Variants in BEND4 observed in about 807,000 individuals in gnomAD.
BEND4 encodes BEN domain containing 4.
Under a neutral mutation model 54.7 loss-of-function variants are expected in BEND4, and 27 were observed. The observed-to-expected ratio is 0.49, with a 90% CI of 0.36 to 0.68. The LOEUF (loss-of-function observed/expected upper bound fraction) is 0.68. Ranked by LOEUF, BEND4 falls within the 30% of genes least tolerant of loss-of-function variation. The pLI is 0.00. For missense variants in BEND4, 702 were observed against 697.2 expected (o/e 1.01, Z -0.08); for synonymous variants, 327 against 299.5 (o/e 1.09, Z -0.95).
At chr4:42,125,735 A>T in intron 3 of BEND4, 61 bp from the exon 4 acceptor site, 1 of 1,194,354 alleles carries the variant, frequency 8.4e-7, no homozygotes, top group Non-Finnish European at 1.2e-6. Context: ...AAATAAATAA[A>T]TTTTTTAAAG....
At chr4:42,123,697 A>AAAAAAAAAC (rs781611444) in intron 4 of BEND4, among the ~76,000 whole-genome samples, 11 of 145,230 alleles carry the variant, frequency 7.6e-5, no homozygotes, top group African/African-American at 1.1e-4. Context: ...TAATTCAGAA[A>AAAAAAAAAC]AAAAAAAAAA....
chr4:42,145,357 G>C lies in BEND4; in HGVS notation c.488-1363C>G, dbSNP rs542346643. ...TCATGAAATAACTAAGATAGTCAGAGGAGAGGGGTCCAAGTGCTCTTTTCC... is the reference window on the plus strand; with the variant it reads ...TCATGAAATAACTAAGATAGTCAGACGAGAGGGGTCCAAGTGCTCTTTTCC... On this transcript the variant is annotated intron_variant, in intron 2 of 5. Transcript: ENST00000502486. 3.9e-5 allele frequency among the ~76,000 whole-genome samples: 6 copies of C among 152,212 alleles called. No homozygotes were observed. In the South Asian group the frequency reaches 1.2e-3, roughly 32 times the overall value.
Position 42,152,315 on chromosome 4 carries a change from C to T in BEND4, c.-172G>A. ...CCGCCTGTCGCTGAGGCTGGCATCG[C>T]CGAGCCCCCGCGCGGGGGGCTGCCG... is the stretch of plus-strand genomic sequence containing the variant. On this transcript the variant is annotated 5_prime_UTR_variant, in exon 2 of 6. Transcript: ENST00000502486. The T allele has an allele frequency of 1.9e-6, 1 of 518,234 alleles. No individual in the cohort carries two copies. Among genetic ancestry groups the T allele is most frequent in the Non-Finnish European group, 2.9e-6 (1 of 348,066 alleles). The allele number at this position is 518,234 out of a possible 1,614,324, so 32.1% of individuals were successfully genotyped here. A position where few individuals can be genotyped will look rare whatever the true frequency, so the allele number is the denominator to read the frequency against.
Position 42,113,637 on chromosome 4 carries a change from T to C in BEND4, c.*3881A>G, listed in dbSNP as rs371641332. 6.6e-6 allele frequency: 1 copy of C among 152,128 alleles called. No homozygotes were observed. The highest frequency in any genetic ancestry group is 2.4e-5 in the African/African-American group (1 of 41,402). The allele number at this position is 152,128 out of a possible 1,614,324, so 9.4% of individuals were successfully genotyped here. A position where few individuals can be genotyped will look rare whatever the true frequency, so the allele number is the denominator to read the frequency against. ...GGACTTAAAAAAAATCCTATCAACA[T>C]CAGTTACCACTAGTTGATGGGACAT... is the stretch of plus-strand genomic sequence containing the variant. On this transcript the variant is annotated 3_prime_UTR_variant, in exon 6 of 6. Coordinates refer to ENST00000502486, the MANE Select transcript of BEND4 (RefSeq NM_207406.4).
intron 2 of BEND4, among the ~76,000 whole-genome samples, chr4:42,145,014 C>T (rs905843174): frequency 6.6e-5 from 10 of 152,100 alleles, no homozygotes; most frequent in Non-Finnish European, 1.2e-4. Context: ...ATTTCCTCTC[C>T]CCTTTCCCAG....
At chr4:42,131,548 G>A (rs1368187831) in intron 3 of BEND4, among the ~76,000 whole-genome samples, 1 of 152,096 alleles carries the variant, frequency 6.6e-6, no homozygotes, top group Non-Finnish European at 1.5e-5. Context: ...CAGTGTGGAG[G>A]GGACAGTCCT....
chr4:42,139,791 GA>G (rs917622036), intron 3 of BEND4, among the ~76,000 whole-genome samples: 197 of 152,258 alleles, frequency 1.3e-3, no homozygotes, highest in African/African-American at 4.5e-3. Context: ...AACACAGGTA[GA>G]TTCTACTAGA....
At position 42,126,738 on chromosome 4, in the gene BEND4, G is replaced by A. The variant is rs183632355; in HGVS notation, c.1055-1064C>T. Among the ~76,000 whole-genome samples the A allele has an allele frequency of 2.0e-4, 31 of 152,238 alleles. No individual in the cohort carries two copies. In the East Asian group the frequency reaches 4.8e-3, roughly 24 times the overall value. ...AAGGTCTTGGTAGCTTAGGCCGGGC[G>A]TGGTGGCTTACACCTGTAATCCCAG... On this transcript the variant is annotated intron_variant, in intron 3 of 5. Transcript: ENST00000502486.
chr4:42,130,526 A>T (rs902514628), intron 3 of BEND4, among the ~76,000 whole-genome samples: 4 of 151,768 alleles, frequency 2.6e-5, no homozygotes, highest in African/African-American at 9.7e-5. Flanking sequence ...CCATCTCATG[A>T]TAATCAGAAT....
chr4:42,119,935 G>A, intron 5 of BEND4, 119 bp downstream of exon 5: 1 of 1,284,810 alleles, frequency 7.8e-7, no homozygotes, highest in Non-Finnish European at 1.1e-6. Context: ...ATGAAGCCTA[G>A]ACGTTCTCAG....
At position 42,115,677 on chromosome 4, in the gene BEND4, A is replaced by C. The variant is rs1188153814; in HGVS notation, c.*1841T>G. ...AAAGAATCTTATAAGACAGACACTG[A>C]CTTCTCGGACCTCTAAAAAATGCTT... On this transcript the variant is annotated 3_prime_UTR_variant, in exon 6 of 6. Coordinates refer to ENST00000502486, the MANE Select transcript of BEND4 (RefSeq NM_207406.4). 6.6e-6 allele frequency: 1 copy of C among 152,184 alleles called. No individual in the cohort carries two copies. The highest frequency in any genetic ancestry group is 1.5e-5 in the Non-Finnish European group (1 of 68,020). The allele number at this position is 152,184 out of a possible 1,614,324, so 9.4% of individuals were successfully genotyped here.
rs1409365711 is a variant in BEND4, at chr4:42,117,230, G to C, written c.*288C>G. ...TAGCAGAGTTTGAAGATTTCAGAAA[G>C]GTAACTAGGAGCTCACCTATTTTTT... is the stretch of plus-strand genomic sequence containing the variant. On this transcript the variant is annotated 3_prime_UTR_variant, in exon 6 of 6. Coordinates refer to ENST00000502486, the MANE Select transcript of BEND4 (RefSeq NM_207406.4). 3.8e-6 allele frequency: 1 copy of C among 265,502 alleles called. No individual in the cohort carries two copies. The highest frequency in any genetic ancestry group is 8.0e-5 in the South Asian group (1 of 12,508). 16.4% of individuals were successfully genotyped at this position (265,502 alleles called of 1,614,324 possible). A position where few individuals can be genotyped will look rare whatever the true frequency, so the allele number is the denominator to read the frequency against.
At chr4:42,147,523 T>G (rs1721119464) in intron 2 of BEND4, among the ~76,000 whole-genome samples, 1 of 144,622 alleles carries the variant, frequency 6.9e-6, no homozygotes, top group African/African-American at 2.6e-5. Flanking sequence ...AATGCTCCAC[T>G]CAAGTGATGG....
chr4:42,122,337 C>G (rs1235748186), intron 4 of BEND4, among the ~76,000 whole-genome samples: 1 of 152,026 alleles, frequency 6.6e-6, no homozygotes, highest in East Asian at 1.9e-4. Flanking sequence ...GGAGACCAGC[C>G]GTCTCCCACC....
intron 2 of BEND4, among the ~76,000 whole-genome samples, chr4:42,146,068 C>A (rs1054162072): frequency 6.6e-6 from 1 of 152,184 alleles, no homozygotes; most frequent in African/African-American, 2.4e-5. Flanking sequence ...GTATTACCCT[C>A]AGACCTTGGC....
At chr4:42,140,675 C>A (rs920529390) in intron 3 of BEND4, among the ~76,000 whole-genome samples, 1 of 152,170 alleles carries the variant, frequency 6.6e-6, no homozygotes, top group South Asian at 2.1e-4. Context: ...AAGTGAGAGG[C>A]GGACTGAACC....
chr4:42,137,951 TG>T (rs1224587728), intron 3 of BEND4, among the ~76,000 whole-genome samples: 1 of 152,180 alleles, frequency 6.6e-6, no homozygotes, highest in Non-Finnish European at 1.5e-5. Context: ...TAACAAGTGT[TG>T]GTGAGTGTAT....
chr4:42,117,948 T>G (rs1479131131), intron 5 of BEND4, among the ~76,000 whole-genome samples: 1 of 151,442 alleles, frequency 6.6e-6, no homozygotes, highest in Non-Finnish European at 1.5e-5. Context: ...AAAAAAAAAT[T>G]ACACAGATAT....
intron 2 of BEND4, among the ~76,000 whole-genome samples, chr4:42,147,239 A>C (rs1210048882): frequency 6.6e-6 from 1 of 152,180 alleles, no homozygotes; most frequent in Non-Finnish European, 1.5e-5. Context: ...TACATGGAAG[A>C]TTGTGATGAA....
Sources: gnomAD v4.1 joint callset for allele counts (sites outside exome capture counted in the v4.1 genomes callset) on GRCh38, gnomAD v4.1.1 for gene constraint, MANE v1.5 for transcripts, NCBI Gene and HGNC (gene_info 2026-07-23, HGNC 2026-07-21) for gene names.